The following GPR39 variants were observed in gnomAD, a reference collection of about 807,000 sequenced individuals.
GPR39 encodes the protein zinc sensing receptor.
A neutral mutation model predicts 18.4 loss-of-function variants in GPR39; 23 were observed. The observed-to-expected ratio is 1.25, with a 90% CI of 0.90 to 1.77. The LOEUF is 1.77. GPR39 is among the 40% of genes most tolerant of loss of function. GPR39 has a pLI of 0.00. For synonymous variants in GPR39, 280 were observed against 257.9 expected (o/e 1.09, Z -0.82); for missense variants, 647 against 602.4 (o/e 1.07, Z -0.78).
At chr2:132,578,606 T>C (rs1315250902) in intron 1 of GPR39, among the ~76,000 whole-genome samples, 1 of 152,130 alleles carries the variant, frequency 6.6e-6, no homozygotes, top group African/African-American at 2.4e-5. Context: ...GTGGTTTGTG[T>C]TTCTTTAGAA....
chr2:132,522,677 G>C (rs1679446639), intron 1 of GPR39, among the ~76,000 whole-genome samples: 2 of 152,254 alleles, frequency 1.3e-5, no homozygotes, highest in East Asian at 3.9e-4. Context: ...TGTGAGCATG[G>C]AGCCTACCTG....
intron 1 of GPR39, among the ~76,000 whole-genome samples, chr2:132,605,411 C>G (rs955561966): frequency 4.0e-5 from 6 of 151,862 alleles, no homozygotes; most frequent in Non-Finnish European, 5.9e-5. Context: ...CATTAGTCTG[C>G]TCAGTGGCCT....
intron 1 of GPR39, among the ~76,000 whole-genome samples, chr2:132,559,389 G>A (rs534562909): frequency 2.6e-5 from 4 of 152,224 alleles, no homozygotes; most frequent in South Asian, 4.2e-4. Context: ...TTAAACAGGC[G>A]TGACTTTCCA....
intron 1 of GPR39, among the ~76,000 whole-genome samples, chr2:132,592,480 T>C (rs1041027925): frequency 1.3e-5 from 2 of 152,060 alleles, no homozygotes; most frequent in African/African-American, 4.8e-5. Context: ...AAAAAAGTGG[T>C]GGCTGAGGGT....
chr2:132,538,676 C>G (rs1032726377), intron 1 of GPR39, among the ~76,000 whole-genome samples: 1 of 152,172 alleles, frequency 6.6e-6, no homozygotes, highest in Non-Finnish European at 1.5e-5. Context: ...CCATCCCTCC[C>G]CCCGGGTGCT....
At chr2:132,450,057 A>ATG in intron 1 of GPR39, among the ~76,000 whole-genome samples, 1 of 152,218 alleles carries the variant, frequency 6.6e-6, no homozygotes, top group Non-Finnish European at 1.5e-5. Context: ...TGTCTGTACC[A>ATG]TGTGGAACCA....
rs1680162654 is a variant in GPR39, at chr2:132,556,951, A to AAATTGGGT, written c.857-88148_857-88141dup. Among the ~76,000 whole-genome samples, 2 of 152,174 alleles carry AAATTGGGT rather than the reference A, an allele frequency of 1.3e-5. 1 individual carries two copies. The highest frequency in any genetic ancestry group is 4.1e-4 in the South Asian group (2 of 4,830). ...GGGTATAATGTCTGAGTGCCTGTAGAAATTGGGTAGAACATTTATTTGGCA... is the reference window on the plus strand; with the variant it reads ...GGGTATAATGTCTGAGTGCCTGTAGAAATTGGGTAATTGGGTAGAACATTTATTTGGCA... On this transcript the variant is annotated intron_variant, in intron 1 of 1. Coordinates refer to ENST00000329321, the MANE Select transcript of GPR39 (RefSeq NM_001508.3).
chr2:132,432,432 G>A (rs769526728), intron 1 of GPR39, among the ~76,000 whole-genome samples: 1 of 152,114 alleles, frequency 6.6e-6, no homozygotes, highest in Admixed American at 6.5e-5. Flanking sequence ...AGATTTGAAG[G>A]ACACAAAAAT....
intron 1 of GPR39, among the ~76,000 whole-genome samples, chr2:132,458,668 C>T (rs1025621755): frequency 2.0e-5 from 3 of 151,904 alleles, no homozygotes; most frequent in African/African-American, 7.3e-5. Flanking sequence ...GTTTTTCCTT[C>T]TTGATGACAA....
At position 132,646,256 on chromosome 2, in the gene GPR39, G is replaced by A; in HGVS notation, c.*650G>A. ...GGCGATGAGACAGGCCGCTGATGAT[G>A]CACAGGACTTGCGGTACATGATCCC... On this transcript the variant is annotated 3_prime_UTR_variant, in exon 2 of 2. Transcript: ENST00000329321. 1.3e-6 allele frequency: 2 copies of A among 1,566,064 alleles called. No homozygotes were observed. The highest frequency in any genetic ancestry group is 1.7e-6 in the Non-Finnish European group (2 of 1,153,016).
At chr2:132,461,212 A>G (rs1680824954) in intron 1 of GPR39, among the ~76,000 whole-genome samples, 2 of 152,294 alleles carry the variant, frequency 1.3e-5, no homozygotes, top group Non-Finnish European at 2.9e-5. Flanking sequence ...CTTGTGTTAC[A>G]AAAGTCACTC....
chr2:132,629,245 A>G (rs1558864344), intron 1 of GPR39, among the ~76,000 whole-genome samples: 1 of 152,204 alleles, frequency 6.6e-6, no homozygotes, highest in East Asian at 1.9e-4. Context: ...CTGTAGTGTA[A>G]GCCACATGCC....
At chr2:132,429,641 T>G (rs1459305927) in intron 1 of GPR39, among the ~76,000 whole-genome samples, 1 of 152,196 alleles carries the variant, frequency 6.6e-6, no homozygotes, top group Non-Finnish European at 1.5e-5. Flanking sequence ...CAAATGGGGT[T>G]AAAAGAGTGT....
intron 1 of GPR39, among the ~76,000 whole-genome samples, chr2:132,460,313 A>G (rs1231404741): frequency 6.6e-6 from 1 of 152,186 alleles, no homozygotes; most frequent in African/African-American, 2.4e-5. Flanking sequence ...CCCTTCATGT[A>G]GTCCACAGAT....
intron 1 of GPR39, among the ~76,000 whole-genome samples, chr2:132,436,961 G>A (rs1329900975): frequency 6.6e-6 from 1 of 152,114 alleles, no homozygotes; most frequent in Admixed American, 6.6e-5. Context: ...ATTCTCCCAA[G>A]GCCCTATGAG....
intron 1 of GPR39, among the ~76,000 whole-genome samples, chr2:132,555,700 T>C (rs1050153273): frequency 4.6e-5 from 7 of 151,974 alleles, no homozygotes; most frequent in Non-Finnish European, 1.0e-4. Context: ...TGGGAGGAGA[T>C]TAAATAAAGG....
chr2:132,634,175 G>C (rs1681706184), intron 1 of GPR39, among the ~76,000 whole-genome samples: 1 of 152,036 alleles, frequency 6.6e-6, no homozygotes, highest in Non-Finnish European at 1.5e-5. Flanking sequence ...TGGTGGTAGT[G>C]GTGGTGGTAC....
chr2:132,539,088 G>A (rs1441031578), intron 1 of GPR39, among the ~76,000 whole-genome samples: 1 of 152,152 alleles, frequency 6.6e-6, no homozygotes, highest in African/African-American at 2.4e-5. Context: ...CTGTCTCACG[G>A]GAGTTCCAGG....
chr2:132,447,304 A>C (rs369294238), intron 1 of GPR39, among the ~76,000 whole-genome samples: 1 of 152,250 alleles, frequency 6.6e-6, no homozygotes, highest in African/African-American at 2.4e-5. Flanking sequence ...TACAATCCCA[A>C]GGAGTTAAGA....
Sources: allele counts gnomAD v4.1 joint callset (sites outside exome capture counted in the v4.1 genomes callset), GRCh38; gene constraint gnomAD v4.1.1; transcripts MANE v1.5; gene names NCBI Gene and HGNC (gene_info 2026-07-23, HGNC 2026-07-21).